Variants in CD226 observed in about 807,000 individuals in gnomAD.
CD226 encodes CD226 antigen.
Under a neutral mutation model 34.9 loss-of-function variants are expected in CD226, and 24 were observed. The ratio of observed to expected loss-of-function variants is 0.69; its 90% CI spans 0.50 to 0.97. CD226 has a LOEUF of 0.97. Among genes scored for constraint, CD226 ranks in the 50% least tolerant of loss-of-function variants. The pLI is 0.00. For missense variants in CD226, 397 were observed against 412.7 expected, an observed-to-expected ratio of 0.96 and a Z score of 0.33; for synonymous variants, 148 against 147.4, an observed-to-expected ratio of 1.00 and a Z score of -0.03.
chr18:69,923,821 G>A (rs2055485758), intron 2 of CD226, among the ~76,000 whole-genome samples: 1 of 151,596 alleles, frequency 6.6e-6, no homozygotes, highest in South Asian at 2.1e-4. Context: ...GGGCGTAGTG[G>A]CGGGCGCCTG....
chr18:69,910,037 C>T (rs1287756726), intron 2 of CD226, among the ~76,000 whole-genome samples: 1 of 152,206 alleles, frequency 6.6e-6, no homozygotes, highest in Non-Finnish European at 1.5e-5. Flanking sequence ...TGTGTGTGCT[C>T]TGAATGAGAG....
chr18:69,911,832 G>A (rs2055329158), intron 2 of CD226, among the ~76,000 whole-genome samples: 1 of 152,050 alleles, frequency 6.6e-6, no homozygotes, highest in African/African-American at 2.4e-5. Flanking sequence ...CATTTTACAT[G>A]TGTGTATGTG....
At chr18:69,890,644 T>A (rs1984840141) in intron 3 of CD226, among the ~76,000 whole-genome samples, 1 of 151,854 alleles carries the variant, frequency 6.6e-6, no homozygotes, top group African/African-American at 2.4e-5. Flanking sequence ...AGAAAGCAAA[T>A]GTGATGGAAA....
intron 3 of CD226, among the ~76,000 whole-genome samples, chr18:69,876,202 A>G (rs1294660820): frequency 1.3e-5 from 2 of 152,236 alleles, no homozygotes; most frequent in Non-Finnish European, 2.9e-5. Flanking sequence ...GTACCAAAAA[A>G]ATAAAGATCT....
Position 69,946,836 on chromosome 18 carries a change from A to T in CD226, c.280T>A (p.Phe94Ile). The change falls in exon 2 of 6, where the codon TTC becomes ATC. Residue 94 changes from phenylalanine to isoleucine, a missense_variant. Physicochemically the swap from Phe to Ile is conservative, Grantham distance 21. Transcript: ENST00000582621. ...TCATCTTCAGAGGCATTCCGAAAGAAAAGAGTCATGTTATTGGAAGCCATC... is the reference window on the plus strand; with the variant it reads ...TCATCTTCAGAGGCATTCCGAAAGATAAGAGTCATGTTATTGGAAGCCATC... ...STMASNNMTL[F>I]FRNASEDDVG... 1 of 1,614,212 alleles carries T rather than the reference A, an allele frequency of 6.2e-7. No individual in the cohort carries two copies. The highest frequency in any genetic ancestry group is 8.5e-7 in the Non-Finnish European group (1 of 1,180,026).
In CD226 at chr18:69,873,280, A is replaced by T. The variant is rs373293172; in HGVS notation, c.728-34T>A. On this transcript the variant is annotated intron_variant, in intron 3 of 5. Coordinates refer to ENST00000582621, the MANE Select transcript of CD226 (RefSeq NM_001303618.2). ...GAAAAAAAATATTGTAGGAATTAGG[A>T]ATTCAGCCAAAGGCAGTAAAAAGTA... is the stretch of plus-strand genomic sequence containing the variant. 101 of 1,140,586 alleles carry T rather than the reference A, an allele frequency of 8.9e-5. No individual in the cohort carries two copies. In the Middle Eastern group the frequency reaches 1.4e-3, roughly 16 times the overall value. The allele number at this position is 1,140,586 out of a possible 1,614,324, so 70.7% of individuals were successfully genotyped here.
chr18:69,920,480 A>C lies in CD226; in HGVS notation c.383-24435T>G, dbSNP rs529325959. Reference sequence around the variant, plus strand: ...ATTCATTTCTTCATTTTTATATAAGAAAACTTGACACTTCTCCTTTTTACT... The same window carrying C: ...ATTCATTTCTTCATTTTTATATAAGCAAACTTGACACTTCTCCTTTTTACT... On this transcript the variant is annotated intron_variant, in intron 2 of 5. Coordinates refer to ENST00000582621, the MANE Select transcript of CD226 (RefSeq NM_001303618.2). Among the ~76,000 whole-genome samples, 8 of 152,344 alleles carry C rather than the reference A, an allele frequency of 5.3e-5. No individual in the cohort carries two copies. The South Asian group carries it at 1.0e-3, about 20-fold the overall frequency.
upstream of CD226, among the ~76,000 whole-genome samples, chr18:69,960,831 T>A (rs1053910950): frequency 1.3e-5 from 2 of 152,150 alleles, no homozygotes; most frequent in African/African-American, 2.4e-5. Context: ...TAAAGAAAAT[T>A]TATGAGAAAC....
Position 69,947,396 on chromosome 18 carries a change from G to T in CD226, c.11C>A (p.Pro4His). 1 of 1,586,672 alleles carries T rather than the reference G, an allele frequency of 6.3e-7. No individual in the cohort carries two copies. Among genetic ancestry groups the T allele is most frequent in the Non-Finnish European group, 8.6e-7 (1 of 1,168,466 alleles). Residue 4 changes from proline to histidine, a missense_variant, in exon 1 of 6, where the codon CCT becomes CAT. Transcript: ENST00000582621. The part of the protein sequence containing the change: MDY[P>H]TLLLALLHVY... ...ATGAAGAAGAGCCAAAAGTAAAGTA[G>T]GATAATCCATCTCTGGAAACTGTTT...
At chr18:69,937,005 G>C (rs17804058) in intron 2 of CD226, among the ~76,000 whole-genome samples, 5,102 of 152,286 alleles carry the variant, frequency 0.034, 126 homozygotes, top group Middle Eastern at 0.099. Flanking sequence ...AGATATGATA[G>C]TGTCATTTTC....
chr18:69,917,235 C>A (rs2055397012), intron 2 of CD226, among the ~76,000 whole-genome samples: 1 of 152,204 alleles, frequency 6.6e-6, no homozygotes, highest in Admixed American at 6.5e-5. Context: ...CTTCTCAGCA[C>A]ATATTCTAAG....
intron 5 of CD226, among the ~76,000 whole-genome samples, chr18:69,865,868 CT>C (rs1287409344): frequency 2.0e-5 from 3 of 152,146 alleles, no homozygotes; most frequent in Non-Finnish European, 4.4e-5. Context: ...AATTTATATA[CT>C]TTTGGCTAGG....
chr18:69,895,722 T>C lies in CD226; in HGVS notation c.706A>G (p.Met236Val), dbSNP rs1985231373. ...ASAGENETFV[M>V]RLTVAEGKTD... ...TCACCCTCGGCTACAGTCAATCTCA[T>C]CACGAAGGTTTCGTTTTCTCCTGCG... Residue 236 changes from methionine (M) to valine (V), a missense_variant, in exon 3 of 6, where the codon ATG becomes GTG. Physicochemically the swap from Met to Val is conservative, Grantham distance 21 (BLOSUM62 1). Transcript: ENST00000582621. The C allele has an allele frequency of 4.3e-6, 7 of 1,613,612 alleles. No individual in the cohort carries two copies. The highest frequency in any genetic ancestry group is 5.9e-6 in the Non-Finnish European group (7 of 1,179,518).
chr18:69,878,485 G>A (rs181567017), intron 3 of CD226, among the ~76,000 whole-genome samples: 45 of 152,074 alleles, frequency 3.0e-4, no homozygotes, highest in African/African-American at 1.0e-3. Context: ...CTCAGAGTTC[G>A]GCAGGCAAGA....
chr18:69,877,166 A>C (rs1325549367), intron 3 of CD226, among the ~76,000 whole-genome samples: 6 of 152,160 alleles, frequency 3.9e-5, no homozygotes, highest in Non-Finnish European at 7.4e-5. Context: ...GCCCAGTCCC[A>C]GGCCTCTAGA....
intron 2 of CD226, among the ~76,000 whole-genome samples, chr18:69,913,998 G>A (rs1390761697): frequency 1.3e-5 from 2 of 152,110 alleles, no homozygotes; most frequent in Non-Finnish European, 2.9e-5. Flanking sequence ...AATGAGTTGG[G>A]GGAAATGCAC....
intron 2 of CD226, among the ~76,000 whole-genome samples, chr18:69,909,226 T>A (rs1466516528): frequency 2.0e-5 from 3 of 152,198 alleles, no homozygotes; most frequent in African/African-American, 7.2e-5. Flanking sequence ...GGGGACTACA[T>A]GGATGAGAAA....
At chr18:69,925,059 C>T (rs142628705) in intron 2 of CD226, among the ~76,000 whole-genome samples, 249 of 152,270 alleles carry the variant, frequency 1.6e-3, no homozygotes, top group Non-Finnish European at 2.6e-3. Flanking sequence ...ATGAACTGAA[C>T]AAAACGTTCT....
chr18:69,957,331 G>A (rs1014065823), upstream of CD226, among the ~76,000 whole-genome samples: 2 of 146,802 alleles, frequency 1.4e-5, no homozygotes, highest in Non-Finnish European at 3.0e-5. Flanking sequence ...GTATGTTTCG[G>A]TCTTACTTTC....
Sources: gnomAD v4.1 joint callset for allele counts (sites outside exome capture counted in the v4.1 genomes callset) on GRCh38, gnomAD v4.1.1 for gene constraint, MANE v1.5 for transcripts, NCBI Gene and HGNC (gene_info 2026-07-23, HGNC 2026-07-21) for gene names.